GALNT13: variants seen among roughly 807,000 people sequenced by gnomAD.
GALNT13 encodes UDP-GalNAc:polypeptide N-acetylgalactosaminyltransferase 13.
GALNT13 carries 28 observed loss-of-function variants against 64.2 expected under a neutral mutation model. The observed-to-expected ratio is 0.44, with a 90% CI of 0.32 to 0.60. The LOEUF (loss-of-function observed/expected upper bound fraction) is 0.60, where lower values mean the gene tolerates loss of function less well. Ranked by LOEUF, GALNT13 falls within the 20% of genes least tolerant of loss-of-function variation. The pLI, the probability that GALNT13 is intolerant of heterozygous loss-of-function variation, is 0.05. For missense variants in GALNT13, 577 were observed against 669.8 expected, an observed-to-expected ratio of 0.86 and a Z score of 1.53; for synonymous variants, 214 against 224.6, an observed-to-expected ratio of 0.95 and a Z score of 0.42.
At chr2:154,269,970 T>G (rs566093260) in intron 8 of GALNT13, among the ~76,000 whole-genome samples, 1 of 124,582 alleles carries the variant, frequency 8.0e-6, no homozygotes, top group Non-Finnish European at 1.7e-5. Context: ...AATATTTCAT[T>G]ATGGTTCCTA....
At chr2:153,269,104 C>A in the GALNT13 span, among the ~76,000 whole-genome samples, 1 of 152,166 alleles carries the variant, frequency 6.6e-6, no homozygotes, top group Non-Finnish European at 1.5e-5. Context: ...GCTTGAATTT[C>A]TTTCCAGAAA....
intron 4 of GALNT13, among the ~76,000 whole-genome samples, chr2:154,146,093 G>A (rs1342886000): frequency 6.6e-6 from 1 of 151,234 alleles, no homozygotes. Flanking sequence ...TGGTATGTTA[G>A]AATGCCTGTA....
intron 8 of GALNT13, among the ~76,000 whole-genome samples, chr2:154,289,685 C>T (rs190981844): frequency 6.6e-6 from 1 of 152,198 alleles, no homozygotes; most frequent in Non-Finnish European, 1.5e-5. Flanking sequence ...ACAGCCAAAG[C>T]ATATCAATCC....
At chr2:154,110,826 A>G (rs933395038) in intron 3 of GALNT13, among the ~76,000 whole-genome samples, 1 of 152,098 alleles carries the variant, frequency 6.6e-6, no homozygotes, top group African/African-American at 2.4e-5. Context: ...GAACTCATAC[A>G]CATCTCCTGA....
the GALNT13 span, among the ~76,000 whole-genome samples, chr2:153,345,718 T>C: frequency 8.1e-3 from 365 of 45,090 alleles, 11 homozygotes; most frequent in Admixed American, 0.015. Flanking sequence ...TCTCTCTTTC[T>C]GTCCTTCCTT....
chr2:153,792,088 AT>A, the GALNT13 span, among the ~76,000 whole-genome samples: 2 of 152,212 alleles, frequency 1.3e-5, no homozygotes, highest in African/African-American at 2.4e-5. Context: ...TGGAAAAAAA[AT>A]AAATATTGTT....
At chr2:154,456,030 T>C (rs1239457233), downstream of GALNT13, among the ~76,000 whole-genome samples, 1 of 152,198 alleles carries the variant, frequency 6.6e-6, no homozygotes, top group Admixed American at 6.6e-5. Flanking sequence ...ATTTTCATCA[T>C]GCATTCCATT....
At chr2:154,166,764 T>G (rs895243768) in intron 4 of GALNT13, among the ~76,000 whole-genome samples, 3 of 152,192 alleles carry the variant, frequency 2.0e-5, no homozygotes, top group African/African-American at 7.2e-5. Flanking sequence ...TAAGAAAATG[T>G]GGCACATATA....
chr2:154,167,553 A>T (rs1439048025), intron 4 of GALNT13, among the ~76,000 whole-genome samples: 2 of 152,184 alleles, frequency 1.3e-5, no homozygotes, highest in African/African-American at 4.8e-5. Context: ...TTAAGCAAAA[A>T]CTTTTCTTTT....
chr2:153,417,818 A>G, the GALNT13 span, among the ~76,000 whole-genome samples: 1 of 152,190 alleles, frequency 6.6e-6, no homozygotes, highest in Admixed American at 6.5e-5. Flanking sequence ...GGATGAATAT[A>G]TACCTTTAAA....
chr2:154,142,014 T>G (rs1241322938), intron 4 of GALNT13, among the ~76,000 whole-genome samples: 1 of 152,190 alleles, frequency 6.6e-6, no homozygotes, highest in African/African-American at 2.4e-5. Context: ...TTGGCATTAA[T>G]AAAAGATGTG....
chr2:153,863,046 C>G, the GALNT13 span, among the ~76,000 whole-genome samples: 4 of 152,152 alleles, frequency 2.6e-5, no homozygotes, highest in South Asian at 6.2e-4. Flanking sequence ...CATATCGTAA[C>G]CAGATATTTA....
chr2:153,278,871 GT>G, the GALNT13 span, among the ~76,000 whole-genome samples: 1 of 152,004 alleles, frequency 6.6e-6, no homozygotes, highest in Non-Finnish European at 1.5e-5. Context: ...TTTTAGAACA[GT>G]TTTTTTCTAG....
the GALNT13 span, among the ~76,000 whole-genome samples, chr2:153,409,327 C>CATATGT: frequency 4.1e-5 from 6 of 145,668 alleles, no homozygotes; most frequent in African/African-American, 1.5e-4. Context: ...TGTATATATT[C>CATATGT]ATATGTATAT....
At chr2:153,670,217 C>A in the GALNT13 span, among the ~76,000 whole-genome samples, 17 of 152,122 alleles carry the variant, frequency 1.1e-4, no homozygotes, top group Non-Finnish European at 2.2e-4. Context: ...GTTCGAGCTC[C>A]GATAATGGAC....
chr2:153,491,296 A>C, the GALNT13 span, among the ~76,000 whole-genome samples: 3 of 152,108 alleles, frequency 2.0e-5, no homozygotes, highest in Admixed American at 6.5e-5. Flanking sequence ...GAAGCTTCAC[A>C]AAGGAAAAGT....
At chr2:153,074,081 T>G in the GALNT13 span, among the ~76,000 whole-genome samples, 3 of 152,316 alleles carry the variant, frequency 2.0e-5, no homozygotes, top group East Asian at 3.9e-4. Context: ...CTTCTAGGAA[T>G]TTCTGTTTGT....
intron 9 of GALNT13, among the ~76,000 whole-genome samples, chr2:154,304,918 G>C (rs923474515): frequency 3.9e-5 from 6 of 152,188 alleles, no homozygotes; most frequent in Admixed American, 6.5e-5. Context: ...AGTCAGTGCA[G>C]CTAAGCAATG....
At chr2:153,244,003 C>A in the GALNT13 span, among the ~76,000 whole-genome samples, 1 of 151,604 alleles carries the variant, frequency 6.6e-6, no homozygotes, top group East Asian at 1.9e-4. Context: ...ATTAAAGATG[C>A]ACTAATGCAA....
Sources: allele counts gnomAD v4.1 joint callset (sites outside exome capture counted in the v4.1 genomes callset), GRCh38; gene constraint gnomAD v4.1.1; transcripts MANE v1.5; gene names NCBI Gene and HGNC (gene_info 2026-07-23, HGNC 2026-07-21).